The following BSCL2 variants were observed in gnomAD, a reference collection of about 807,000 sequenced individuals.
BSCL2 encodes the protein seipin.
BSCL2 carries 41 observed loss-of-function variants against 57.4 expected under a neutral mutation model. The observed-to-expected ratio is 0.71, with a 90% CI of 0.56 to 0.93. The LOEUF (loss-of-function observed/expected upper bound fraction) is 0.93. BSCL2 is among the 40% of genes least tolerant of loss of function. BSCL2 has a pLI of 0.00. For missense variants in BSCL2, 539 were observed against 586.7 expected (o/e 0.92, Z 0.84); for synonymous variants, 237 against 227.3 (o/e 1.04, Z -0.38).
Position 62,707,254 on chromosome 11 carries a change from G to T in BSCL2, c.-59C>A. ...CCACTGAGTCACTTGTGGCTAAAACGTGAAGTGGCGATCCAGACGCTGATA... is the reference window on the plus strand; with the variant it reads ...CCACTGAGTCACTTGTGGCTAAAACTTGAAGTGGCGATCCAGACGCTGATA... On this transcript the variant is annotated 5_prime_UTR_variant, in exon 1 of 11. Transcript: ENST00000360796. 1 of 1,429,016 alleles carries T rather than the reference G, an allele frequency of 7.0e-7. No homozygotes were observed. The highest frequency in any genetic ancestry group is 9.7e-7 in the Non-Finnish European group (1 of 1,035,222). 88.5% of individuals were successfully genotyped at this position (1,429,016 alleles called of 1,614,324 possible). A position where few individuals can be genotyped will look rare whatever the true frequency, so the allele number is the denominator to read the frequency against.
chr11:62,701,693 G>A (rs1348073039), intron 3 of BSCL2, among the ~76,000 whole-genome samples: 3 of 152,058 alleles, frequency 2.0e-5, no homozygotes, highest in Non-Finnish European at 1.5e-5. Context: ...TTAGCTGGGT[G>A]TGGTGGCGCG....
chr11:62,698,889 A>G (rs1945554278), intron 3 of BSCL2, among the ~76,000 whole-genome samples: 1 of 152,014 alleles, frequency 6.6e-6, no homozygotes, highest in African/African-American at 2.4e-5. Flanking sequence ...TCTTCTCAAT[A>G]AAGTCATTTA....
intron 2 of BSCL2, among the ~76,000 whole-genome samples, chr11:62,703,646 C>G (rs529823047): frequency 6.6e-6 from 1 of 151,574 alleles, no homozygotes; most frequent in Non-Finnish European, 1.5e-5. Flanking sequence ...CCACCGCGCC[C>G]GGCCGTATAT....
intron 2 of BSCL2, 118 bp downstream of exon 2, chr11:62,705,182 TG>T: frequency 2.6e-6 from 3 of 1,167,350 alleles, no homozygotes; most frequent in Non-Finnish European, 3.7e-6. Context: ...TGAGAGGCCC[TG>T]GAAGCACACC....
chr11:62,696,278 TTGTGTGTGTGTGTG>T (rs1197051764), intron 3 of BSCL2, among the ~76,000 whole-genome samples: 6 of 136,228 alleles, frequency 4.4e-5, no homozygotes, highest in African/African-American at 1.1e-4. Context: ...CATAAACTTT[TTGTGTGTGTGTGTG>T]TGTGTGTGTG....
chr11:62,706,974 C>T lies in BSCL2; in HGVS notation c.87+135G>A, dbSNP rs1473435273. On this transcript the variant is annotated intron_variant, in intron 1 of 10. Coordinates refer to ENST00000360796, the MANE Select transcript of BSCL2 (RefSeq NM_001122955.4). ...GGCCAGTGTTGTGTACATCTTTGCA[C>T]ACTGCTGCGGGCGTGGGAAGTAATC... 5 of 768,696 alleles carry T rather than the reference C, an allele frequency of 6.5e-6. No homozygotes were observed. In the African/African-American group the frequency reaches 7.0e-5, roughly 11 times the overall value. The allele number at this position is 768,696 out of a possible 1,614,324, so 47.6% of individuals were successfully genotyped here. A position where few individuals can be genotyped will look rare whatever the true frequency, so the allele number is the denominator to read the frequency against.
chr11:62,706,360 G>C, intron 1 of BSCL2: 2 of 1,065,378 alleles, frequency 1.9e-6, no homozygotes, highest in Non-Finnish European at 2.4e-6. Context: ...GGGAGGCGGG[G>C]CTTCAGCCCA....
chr11:62,693,421 T>C (rs1945363294), intron 4 of BSCL2, among the ~76,000 whole-genome samples: 1 of 152,006 alleles, frequency 6.6e-6, no homozygotes, highest in Non-Finnish European at 1.5e-5. Flanking sequence ...GGAGAATCGC[T>C]TGAACCCAGG....
chr11:62,699,524 A>C (rs1031571515), intron 3 of BSCL2, among the ~76,000 whole-genome samples: 1 of 152,064 alleles, frequency 6.6e-6, no homozygotes, highest in African/African-American at 2.4e-5. Context: ...TAACCATAGA[A>C]GCAAACTGAA....
chr11:62,705,820 G>A (rs749308431), intron 1 of BSCL2: 24 of 588,314 alleles, frequency 4.1e-5, no homozygotes, highest in African/African-American at 7.4e-5. Flanking sequence ...CCCGCCCAGT[G>A]CTAAATCTCC....
chr11:62,704,130 G>GAAA (rs1341507886), intron 2 of BSCL2, among the ~76,000 whole-genome samples: 1 of 105,956 alleles, frequency 9.4e-6, no homozygotes, highest in African/African-American at 3.6e-5. Context: ...GTCTCAAAAA[G>GAAA]AAAAAAAAAA....
At position 62,690,485 on chromosome 11, in the gene BSCL2, T is replaced by C. The variant is rs779114853; in HGVS notation, c.1271A>G (p.Glu424Gly). The C allele has an allele frequency of 1.2e-6, 2 of 1,614,078 alleles. No homozygotes were observed. The highest frequency in any genetic ancestry group is 2.2e-5 in the South Asian group (2 of 91,072). ...GSWEDAALLT[E>G]ANLPAPAPAS... is the part of the protein sequence containing the mutation. The stretch of plus-strand genomic sequence containing the variant: ...AGGAGCAGGAGCAGGCAGGTTGGCC[T>C]CCGTCAGCAAAGCTGCATCTTCCCA... The change falls in exon 11 of 11, where the codon GAG becomes GGG. Residue 424 changes from glutamate to glycine, a missense_variant. Glu to Gly is a moderately conservative substitution (Grantham distance 98, BLOSUM62 -2). Around this residue, in one of 3 missense-constraint regions of BSCL2, gnomAD observed 248 missense variants for 239.9 expected, o/e 1.03. Transcript: ENST00000360796.
At chr11:62,695,611 T>C (rs1009195479) in intron 3 of BSCL2, among the ~76,000 whole-genome samples, 13 of 146,120 alleles carry the variant, frequency 8.9e-5, no homozygotes, top group African/African-American at 3.3e-4. Flanking sequence ...CTCAGGAGGC[T>C]GAGGCAGGAG....
rs2083515459 is a variant in BSCL2 at position 62,705,560 on chromosome 11, T to C, written c.145A>G (p.Arg49Gly). 6 of 1,598,990 alleles carry C rather than the reference T, an allele frequency of 3.8e-6. No homozygotes were observed. The highest frequency in any genetic ancestry group is 1.7e-5 in the Admixed American group (1 of 58,402). ...GCCCCAGGTTCAGGCCTTGCGTTCC[T>C]AGCTGCTCTGCCACCTGGACGCCAC... ...QGWRPGGRAA[R>G]NARPEPGARH... Residue 49 changes from arginine to glycine, a missense_variant, in exon 2 of 11, where the codon AGG becomes GGG. Coordinates refer to ENST00000360796, the MANE Select transcript of BSCL2 (RefSeq NM_001122955.4).
upstream of BSCL2, chr11:62,708,103 G>T: frequency 3.3e-6 from 2 of 606,236 alleles, no homozygotes; most frequent in Non-Finnish European, 6.0e-6. Context: ...AGTTTGGGGA[G>T]CACCTCATCC....
At chr11:62,692,558 G>C in intron 5 of BSCL2, 85 bp from the exon 6 acceptor site, 1 of 1,611,586 alleles carries the variant, frequency 6.2e-7, no homozygotes, top group Non-Finnish European at 8.5e-7. Context: ...CCCACTTCCA[G>C]TCTCTCAGTT....
intron 1 of BSCL2, chr11:62,706,273 G>A (rs1015126927): frequency 9.1e-7 from 1 of 1,101,678 alleles, no homozygotes. Flanking sequence ...CTCGCGCGCT[G>A]CCAGGGCAAC....
At chr11:62,706,055 G>A (rs1327202748) in intron 1 of BSCL2, 27 of 291,662 alleles carry the variant, frequency 9.3e-5, no homozygotes, top group Non-Finnish European at 6.6e-5. Context: ...AGCCACAATT[G>A]CTTCCCGAGT....
rs1245552202 is a variant in BSCL2, at chr11:62,692,806, G to C, written c.631-9C>G. On this transcript the variant is annotated splice_polypyrimidine_tract_variant and intron_variant, in intron 4 of 10. Coordinates refer to ENST00000360796, the MANE Select transcript of BSCL2 (RefSeq NM_001122955.4). ...CGGTAATGCAGCATCACCTGCCGGG[G>C]GTGGGAAGCAGAGGCTGGGGACAGG... The C allele has an allele frequency of 3.7e-6, 6 of 1,612,746 alleles. No individual in the cohort carries two copies. The East Asian group carries it at 1.3e-4, about 36-fold the overall frequency.
Sources: allele counts gnomAD v4.1 joint callset (sites outside exome capture counted in the v4.1 genomes callset), GRCh38; gene constraint gnomAD v4.1.1; regional missense constraint gnomAD v4.1.1; transcripts MANE v1.5; gene names NCBI Gene and HGNC (gene_info 2026-07-23, HGNC 2026-07-21).